Variants in VASH1 observed in about 807,000 individuals in gnomAD.
The protein encoded by VASH1 is tubulinyl-Tyr carboxypeptidase 1.
VASH1 carries 16 observed loss-of-function variants against 35.0 expected under a neutral mutation model. The observed-to-expected ratio is 0.46, with a 90% CI of 0.31 to 0.70. The LOEUF is 0.70. Among genes scored for constraint, VASH1 ranks in the 30% least tolerant of loss-of-function variants. The probability of loss-of-function intolerance (pLI) is 0.05; values close to 1 mark genes in which losing one functional copy is unlikely to be tolerated. For synonymous variants in VASH1, 214 were observed against 200.9 expected (o/e 1.07, Z -0.55); for missense variants, 505 against 510.7 (o/e 0.99, Z 0.11).
chr14:76,769,569 A>G (rs1482757538), intron 1 of VASH1: 1 of 1,083,650 alleles, frequency 9.2e-7, no homozygotes, highest in African/African-American at 1.6e-5. Flanking sequence ...ACCAGCTTTG[A>G]TCCGGCGCTT....
At chr14:76,778,151 T>TC (rs1893998594) in intron 6 of VASH1, 80 bp downstream of exon 6, 3 of 1,058,024 alleles carry the variant, frequency 2.8e-6, no homozygotes, top group Non-Finnish European at 3.8e-6. Context: ...CTTTTTTTTT[T>TC]TATCTCTCTC....
At chr14:76,773,551 C>A (rs1595274863) in intron 4 of VASH1, 10 of 390,490 alleles carry the variant, frequency 2.6e-5, no homozygotes, top group Non-Finnish European at 3.2e-5. Context: ...ACTAGACAGT[C>A]TGGGAGGCAC....
rs1012867854 is a variant in VASH1 at position 76,771,208 on chromosome 14, A to G, written c.417A>G (p.Thr139=). Residue 139 remains threonine (T), a synonymous_variant, in exon 3 of 7, where the codon ACA becomes ACG. Transcript: ENST00000167106. ...CCCACAGGTACAATCACACAGGGACACAGTTCTTTGAAATTAAGAAGAGCA... is the reference window on the plus strand; with the variant it reads ...CCCACAGGTACAATCACACAGGGACGCAGTTCTTTGAAATTAAGAAGAGCA... ...IRELQYNHTG[T]QFFEIKKSRP... is the part of the protein sequence containing the mutation. The G allele has an allele frequency of 6.2e-7, 1 of 1,605,516 alleles. No homozygotes were observed. Among genetic ancestry groups the G allele is most frequent in the Non-Finnish European group, 8.5e-7 (1 of 1,175,930 alleles).
Position 76,762,994 on chromosome 14 carries a change from T to G in VASH1, c.173T>G (p.Val58Gly). Reference protein sequence around the residue: ...EGEEDLRDGGVPFFVNRGGLP... With the variant: ...EGEEDLRDGGGPFFVNRGGLP... Reference sequence around the variant, plus strand: ...GAAGAGGACCTGCGAGACGGAGGCGTCCCCTTCTTTGTCAACCGGGGTGGG... The same window carrying G: ...GAAGAGGACCTGCGAGACGGAGGCGGCCCCTTCTTTGTCAACCGGGGTGGG... The change falls in exon 1 of 7, where the codon GTC becomes GGC. Residue 58 changes from valine (V) to glycine (G), a missense_variant. Transcript: ENST00000167106. The G allele has an allele frequency of 6.5e-7, 1 of 1,549,166 alleles. No homozygotes were observed. The highest frequency in any genetic ancestry group is 8.7e-7 in the Non-Finnish European group (1 of 1,146,152).
Position 76,762,852 on chromosome 14 carries a change from GGCA to G in VASH1, c.37_39del (p.Ser13del). On this transcript the variant is annotated inframe_deletion, in exon 1 of 7. Transcript: ENST00000167106. Reference sequence around the variant, plus strand: ...AGGGGGGAAGAAGGTGGCTGGGGGTGGCAGCAGCGGTGCCACTCCAACGTCCGC... The same window carrying G: ...AGGGGGGAAGAAGGTGGCTGGGGGTGGCAGCGGTGCCACTCCAACGTCCGC... 6.6e-7 allele frequency: 1 copy of G among 1,511,482 alleles called. No homozygotes were observed. Among genetic ancestry groups the G allele is most frequent in the Non-Finnish European group, 8.9e-7 (1 of 1,129,792 alleles). 93.6% of individuals were successfully genotyped at this position (1,511,482 alleles called of 1,614,324 possible).
chr14:76,763,926 T>C (rs1893573872), intron 1 of VASH1, among the ~76,000 whole-genome samples: 1 of 152,030 alleles, frequency 6.6e-6, no homozygotes, highest in African/African-American at 2.4e-5. Flanking sequence ...GAACAGGCAC[T>C]AGTGTGTGTG....
rs553641530 is a variant in VASH1 at position 76,782,112 on chromosome 14, C to T, written c.*3094C>T. ...TCCCCAAAGCCTGGCTCCTCATGCTCAGTGCCAGGGGCAGAACACTGGGGA... is the reference window on the plus strand; with the variant it reads ...TCCCCAAAGCCTGGCTCCTCATGCTTAGTGCCAGGGGCAGAACACTGGGGA... On this transcript the variant is annotated 3_prime_UTR_variant, in exon 7 of 7. Coordinates refer to ENST00000167106, the MANE Select transcript of VASH1 (RefSeq NM_014909.5). 6.6e-6 allele frequency: 1 copy of T among 152,352 alleles called. No individual in the cohort carries two copies. The highest frequency in any genetic ancestry group is 2.4e-5 in the African/African-American group (1 of 41,552). 9.4% of individuals were successfully genotyped at this position (152,352 alleles called of 1,614,324 possible). A position where few individuals can be genotyped will look rare whatever the true frequency, so the allele number is the denominator to read the frequency against.
chr14:76,767,263 T>TAAAG (rs1276157048), intron 1 of VASH1, among the ~76,000 whole-genome samples: 2 of 143,572 alleles, frequency 1.4e-5, no homozygotes, highest in African/African-American at 5.8e-5. Context: ...AATAAATAAA[T>TAAAG]AAATAAATAA....
rs189860248 is a variant in VASH1, at chr14:76,782,459, C to A, written c.*3441C>A. 6.6e-6 allele frequency: 1 copy of A among 152,412 alleles called. No homozygotes were observed. The highest frequency in any genetic ancestry group is 1.5e-5 in the Non-Finnish European group (1 of 68,082). The allele number at this position is 152,412 out of a possible 1,614,324, so 9.4% of individuals were successfully genotyped here. Reference sequence around the variant, plus strand: ...CCAGAGGCCTGTGTGAATGTGTGCACCTGCTTTTCCTGCCTGGAATGTTTT... The same window carrying A: ...CCAGAGGCCTGTGTGAATGTGTGCAACTGCTTTTCCTGCCTGGAATGTTTT... On this transcript the variant is annotated 3_prime_UTR_variant, in exon 7 of 7. Transcript: ENST00000167106.
intron 6 of VASH1, among the ~76,000 whole-genome samples, 182 bp from the exon 7 acceptor site, chr14:76,778,760 ACATT>A (rs1894017237): frequency 6.6e-6 from 1 of 152,238 alleles, no homozygotes. Context: ...AGCCGGGGCC[ACATT>A]CAGACAGCAC....
chr14:76,778,131 G>C (rs1167132946), intron 6 of VASH1, 60 bp downstream of exon 6: 1 of 1,236,682 alleles, frequency 8.1e-7, no homozygotes, highest in Non-Finnish European at 1.1e-6. Context: ...TCCTCTCATC[G>C]TGTGGGTCCC....
chr14:76,775,947 T>G lies in VASH1; in HGVS notation c.586T>G (p.Tyr196Asp). 1.2e-6 allele frequency: 2 copies of G among 1,608,814 alleles called. No homozygotes were observed. The highest frequency in any genetic ancestry group is 2.2e-5 in the East Asian group (1 of 44,670). Residue 196 changes from tyrosine to aspartate, a missense_variant, in exon 5 of 7, where the codon TAC becomes GAC. Coordinates refer to ENST00000167106, the MANE Select transcript of VASH1 (RefSeq NM_014909.5). Reference sequence around the variant, plus strand: ...GCGCTTCCCCATCAGCTTCAAGACCTACTTCTCAGGGAACTACTTCCGCCA... The same window carrying G: ...GCGCTTCCCCATCAGCTTCAAGACCGACTTCTCAGGGAACTACTTCCGCCA... ...LERFPISFKT[Y>D]FSGNYFRHIV...
Position 76,761,748 on chromosome 14 carries a change from C to T in VASH1, c.-1074C>T, listed in dbSNP as rs1483931828. On this transcript the variant is annotated 5_prime_UTR_variant, in exon 1 of 7. Coordinates refer to ENST00000167106, the MANE Select transcript of VASH1 (RefSeq NM_014909.5). ...CGGTCCCCGCCCCGCGGTCCTTCCTCCACCCTCAGCCAGGGCAGCTGCAGC... is the reference window on the plus strand; with the variant it reads ...CGGTCCCCGCCCCGCGGTCCTTCCTTCACCCTCAGCCAGGGCAGCTGCAGC... Among the ~76,000 whole-genome samples the T allele has an allele frequency of 1.3e-5, 2 of 151,932 alleles. No individual in the cohort carries two copies. The highest frequency in any genetic ancestry group is 4.8e-5 in the African/African-American group (2 of 41,430).
At chr14:76,768,777 CTG>C (rs1021696509) in intron 1 of VASH1, among the ~76,000 whole-genome samples, 29 of 152,198 alleles carry the variant, frequency 1.9e-4, no homozygotes, top group African/African-American at 7.0e-4. Flanking sequence ...TGAGCACAGA[CTG>C]TGACTCTCAG....
chr14:76,777,242 G>A (rs538537043), intron 5 of VASH1, among the ~76,000 whole-genome samples: 30 of 152,354 alleles, frequency 2.0e-4, no homozygotes, highest in Middle Eastern at 3.4e-3. Flanking sequence ...CCAACCCTGC[G>A]TTAGAGAGGG....
rs762865717 is a variant in VASH1 at position 76,769,974 on chromosome 14, G to A, written c.321G>A (p.Pro107=). The stretch of plus-strand genomic sequence containing the variant: ...TTCTCTGTCCCCAGATCCCCATACC[G>A]AGTGTGCCTACGTTCCAGCCGTCTA... ...GATDLPKIPI[P]SVPTFQPSTP... Residue 107 remains proline, a synonymous_variant, in exon 2 of 7, where the codon CCG becomes CCA. Transcript: ENST00000167106. The A allele has an allele frequency of 1.3e-5, 21 of 1,613,908 alleles. No individual in the cohort carries two copies. The East Asian group carries it at 2.9e-4, about 22-fold the overall frequency.
At chr14:76,778,094 G>A (rs1331617220) in intron 6 of VASH1, 23 bp downstream of exon 6, 27 of 1,431,628 alleles carry the variant, frequency 1.9e-5, no homozygotes, top group Non-Finnish European at 2.5e-5. Context: ...CCACGCCTGG[G>A]TGGGTCCAAA....
At chr14:76,768,879 CCTTA>C (rs1893716187) in intron 1 of VASH1, among the ~76,000 whole-genome samples, 1 of 152,258 alleles carries the variant, frequency 6.6e-6, no homozygotes, top group East Asian at 1.9e-4. Context: ...ATGTGGGGAG[CCTTA>C]CAGCTACTGT....
chr14:76,770,086 T>C, intron 2 of VASH1, 35 bp downstream of exon 2: 1 of 1,593,138 alleles, frequency 6.3e-7, no homozygotes, highest in East Asian at 2.2e-5. Context: ...GGCCACCTTC[T>C]GGCCGGTGTG....
Sources: gnomAD v4.1 joint callset for allele counts (sites outside exome capture counted in the v4.1 genomes callset) on GRCh38, gnomAD v4.1.1 for gene constraint, MANE v1.5 for transcripts, NCBI Gene and HGNC (gene_info 2026-07-23, HGNC 2026-07-21) for gene names.